POLQ: variants seen among roughly 807,000 people sequenced by gnomAD.
The protein encoded by POLQ is epididymis secretory sperm binding protein.
Under a neutral mutation model 259.2 loss-of-function variants are expected in POLQ, and 233 were observed. The ratio of observed to expected loss-of-function variants is 0.90; its 90% CI spans 0.81 to 1.00. POLQ has a LOEUF of 1.00. Ranked by LOEUF, POLQ falls within the 50% of genes least tolerant of loss-of-function variation. POLQ has a pLI of 0.00. For synonymous variants in POLQ, 1,025 were observed against 1,048.8 expected (o/e 0.98, Z 0.44); for missense variants, 2,871 against 3,051.6 (o/e 0.94, Z 1.39).
At chr3:121,545,543 G>A (rs1290625877) in intron 1 of POLQ, among the ~76,000 whole-genome samples, 172 bp downstream of exon 1, 3 of 152,346 alleles carry the variant, frequency 2.0e-5, no homozygotes, top group Admixed American at 2.0e-4. Context: ...GAAAACACGC[G>A]TATGTCTGAA....
intron 19 of POLQ, among the ~76,000 whole-genome samples, chr3:121,477,256 C>T (rs1381059): frequency 0.6 from 90,739 of 151,980 alleles, 28,037 homozygotes; most frequent in East Asian, 0.89. Flanking sequence ...TTCCGCCAGA[C>T]AACCACAGAC....
At chr3:121,494,645 C>T (rs2048100859) in intron 14 of POLQ, 1 of 1,521,068 alleles carries the variant, frequency 6.6e-7, no homozygotes, top group Non-Finnish European at 9.0e-7. Context: ...AATGGGGGTC[C>T]CTTACTGCAT....
intron 9 of POLQ, among the ~76,000 whole-genome samples, chr3:121,515,161 T>C (rs1009523180): frequency 6.6e-6 from 1 of 152,086 alleles, no homozygotes; most frequent in Non-Finnish European, 1.5e-5. Context: ...ACCTCAGATG[T>C]GCATTTTTTT....
At chr3:121,500,321 T>A (rs988701833) in intron 12 of POLQ, among the ~76,000 whole-genome samples, 2 of 151,060 alleles carry the variant, frequency 1.3e-5, no homozygotes, top group Non-Finnish European at 2.9e-5. Context: ...AAAATGGGGT[T>A]TATTATGTTG....
At chr3:121,433,677 T>C (rs1489763000) in intron 28 of POLQ, among the ~76,000 whole-genome samples, 4 of 152,218 alleles carry the variant, frequency 2.6e-5, no homozygotes, top group Non-Finnish European at 5.9e-5. Context: ...ATACTAGACT[T>C]AGTTACTATT....
At chr3:121,497,496 G>A (rs2048134206) in intron 13 of POLQ, among the ~76,000 whole-genome samples, 1 of 152,014 alleles carries the variant, frequency 6.6e-6, no homozygotes, top group South Asian at 2.1e-4. Context: ...GAGTGCAGTG[G>A]CGCAATCTTG....
At chr3:121,529,868 T>C in intron 6 of POLQ, 76 bp from the exon 7 acceptor site, 1 of 1,127,126 alleles carries the variant, frequency 8.9e-7, no homozygotes, top group Non-Finnish European at 1.2e-6. Context: ...GCACTCATTT[T>C]CCTTTCTGGG....
At position 121,467,415 on chromosome 3, in the gene POLQ, G is replaced by C. The variant is rs2047847336; in HGVS notation, c.6967+104C>G. On this transcript the variant is annotated intron_variant, in intron 24 of 29. Transcript: ENST00000264233. ...CTCCACCGTAGACAGAAAGATGGAGGGACCAATGCATGCTCTAAGTCTCAC... is the reference window on the plus strand; with the variant it reads ...CTCCACCGTAGACAGAAAGATGGAGCGACCAATGCATGCTCTAAGTCTCAC... 9.3e-6 allele frequency: 10 copies of C among 1,077,212 alleles called. No homozygotes were observed. In the South Asian group the frequency reaches 1.5e-4, roughly 17 times the overall value. The allele number at this position is 1,077,212 out of a possible 1,614,324, so 66.7% of individuals were successfully genotyped here. A position where few individuals can be genotyped will look rare whatever the true frequency, so the allele number is the denominator to read the frequency against.
chr3:121,487,936 A>G lies in POLQ; in HGVS notation c.4995T>C (p.Phe1665=), dbSNP rs576293240. 145 of 1,602,928 alleles carry G rather than the reference A, an allele frequency of 9.0e-5. No homozygotes were observed. In the East Asian group the frequency reaches 3.0e-3, roughly 33 times the overall value. ...NEKLKSMTIN[F]SSLNRKNTEL... ...CTGTATTTTTTCTATTCAAACTGGA[A>G]AAGTTTATAGTCATTGATTTTAGCT... Residue 1665 remains phenylalanine, a synonymous_variant, in exon 16 of 30, where the codon TTT becomes TTC. Coordinates refer to ENST00000264233, the MANE Select transcript of POLQ (RefSeq NM_199420.4).
chr3:121,462,085 T>C (rs1321258147), intron 24 of POLQ, among the ~76,000 whole-genome samples: 1 of 152,174 alleles, frequency 6.6e-6, no homozygotes, highest in Non-Finnish European at 1.5e-5. Context: ...AGATAATGGA[T>C]TTTTGGATTA....
chr3:121,432,267 C>CA lies in POLQ; in HGVS notation c.*36dup. On this transcript the variant is annotated 3_prime_UTR_variant, in exon 30 of 30. Coordinates refer to ENST00000264233, the MANE Select transcript of POLQ (RefSeq NM_199420.4). ...TGTTCTTTCCAGGTGACTGCATCTG[C>CA]ACAGGCTTCCCTGGGAGGACTTCAT... The CA allele has an allele frequency of 6.4e-7, 1 of 1,563,114 alleles. No individual in the cohort carries two copies. The highest frequency in any genetic ancestry group is 1.4e-5 in the African/African-American group (1 of 71,674).
intron 27 of POLQ, among the ~76,000 whole-genome samples, 159 bp downstream of exon 27, chr3:121,439,832 TC>T (rs1406812999): frequency 7.2e-5 from 11 of 152,360 alleles, no homozygotes; most frequent in African/African-American, 2.6e-4. Context: ...TGCCATCACT[TC>T]AGAAGTCCTT....
chr3:121,455,133 C>T (rs2047721985), intron 25 of POLQ, among the ~76,000 whole-genome samples: 1 of 151,178 alleles, frequency 6.6e-6, no homozygotes, highest in African/African-American at 2.4e-5. Context: ...TGAATGACTA[C>T]TGGGTACATA....
chr3:121,493,405 C>T, intron 15 of POLQ, 73 bp downstream of exon 15: 1 of 1,124,676 alleles, frequency 8.9e-7, no homozygotes, highest in Non-Finnish European at 1.3e-6. Context: ...AACTTTAATA[C>T]ATTATCTATT....
In POLQ at chr3:121,432,241, C is replaced by G; in HGVS notation, c.*63G>C. On this transcript the variant is annotated 3_prime_UTR_variant, in exon 30 of 30. Coordinates refer to ENST00000264233, the MANE Select transcript of POLQ (RefSeq NM_199420.4). Reference sequence around the variant, plus strand: ...GCTGAGGTAGGTGAAAGGGTAATCTCTGTTCTTTCCAGGTGACTGCATCTG... The same window carrying G: ...GCTGAGGTAGGTGAAAGGGTAATCTGTGTTCTTTCCAGGTGACTGCATCTG... The G allele has an allele frequency of 6.8e-7, 1 of 1,476,510 alleles. No homozygotes were observed. 91.5% of individuals were successfully genotyped at this position (1,476,510 alleles called of 1,614,324 possible). A position where few individuals can be genotyped will look rare whatever the true frequency, so the allele number is the denominator to read the frequency against.
chr3:121,508,283 G>T (rs375297985), intron 12 of POLQ, among the ~76,000 whole-genome samples: 1 of 152,132 alleles, frequency 6.6e-6, no homozygotes, highest in Admixed American at 6.5e-5. Context: ...ACAGGAGTAG[G>T]AGTAGTTAGG....
chr3:121,462,577 G>T (rs1203898617), intron 24 of POLQ, among the ~76,000 whole-genome samples: 3 of 152,176 alleles, frequency 2.0e-5, no homozygotes, highest in Admixed American at 1.3e-4. Flanking sequence ...TGTGCAGGGG[G>T]AAAGTGCAGG....
chr3:121,485,354 C>T (rs1403766342), intron 16 of POLQ, among the ~76,000 whole-genome samples, 170 bp from the exon 17 acceptor site: 1 of 152,060 alleles, frequency 6.6e-6, no homozygotes, highest in Non-Finnish European at 1.5e-5. Flanking sequence ...TCCAGGCTTC[C>T]CATCAATTAA....
chr3:121,533,786 T>G (rs2048429140), intron 5 of POLQ, among the ~76,000 whole-genome samples: 1 of 152,122 alleles, frequency 6.6e-6, no homozygotes, highest in South Asian at 2.1e-4. Flanking sequence ...AGTGCTGGGA[T>G]TACAGGTGTG....
Sources: allele counts gnomAD v4.1 joint callset (sites outside exome capture counted in the v4.1 genomes callset), GRCh38; gene constraint gnomAD v4.1.1; transcripts MANE v1.5; gene names NCBI Gene and HGNC (gene_info 2026-07-23, HGNC 2026-07-21).